NEGR1: variants seen among roughly 807,000 people sequenced by gnomAD.
The protein encoded by NEGR1 is IgLON family member 4.
Under a neutral mutation model 40.9 loss-of-function variants are expected in NEGR1, and 10 were observed. That is an observed-to-expected ratio of 0.24 (90% CI 0.15 to 0.42). NEGR1 has a LOEUF of 0.42. NEGR1 is among the 10% of genes least tolerant of loss of function. The pLI is 1.00. For synonymous variants in NEGR1, 185 were observed against 166.8 expected (o/e 1.11, Z -0.84); for missense variants, 352 against 438.9 (o/e 0.80, Z 1.77).
intron 1 of NEGR1, among the ~76,000 whole-genome samples, chr1:72,017,224 TGTCA>T (rs1379249741): frequency 6.6e-5 from 10 of 151,996 alleles, no homozygotes; most frequent in Admixed American, 5.9e-4. Context: ...AGGCAGACTG[TGTCA>T]GTTGACAAAA....
At chr1:72,237,638 C>T (rs1654599861) in intron 1 of NEGR1, among the ~76,000 whole-genome samples, 1 of 151,898 alleles carries the variant, frequency 6.6e-6, no homozygotes, top group Admixed American at 6.6e-5. Context: ...TGCACATATT[C>T]CAGAGCATTA....
chr1:71,897,707 A>G (rs1661011261), intron 2 of NEGR1, among the ~76,000 whole-genome samples: 1 of 152,190 alleles, frequency 6.6e-6, no homozygotes, highest in African/African-American at 2.4e-5. Flanking sequence ...ATAAAGGCAT[A>G]AAAAGTACAT....
At chr1:71,446,124 T>C (rs982821331) in intron 6 of NEGR1, among the ~76,000 whole-genome samples, 3 of 152,230 alleles carry the variant, frequency 2.0e-5, no homozygotes, top group African/African-American at 7.2e-5. Flanking sequence ...GAGGACTTAA[T>C]GTGGCCTTTA....
intron 6 of NEGR1, among the ~76,000 whole-genome samples, chr1:71,522,787 A>G (rs1194223232): frequency 6.6e-6 from 1 of 151,344 alleles, no homozygotes; most frequent in African/African-American, 2.4e-5. Flanking sequence ...CAAGCCTAAC[A>G]GTAAAGGTAC....
chr1:71,885,479 A>G (rs1029586693), intron 2 of NEGR1, among the ~76,000 whole-genome samples: 4 of 152,162 alleles, frequency 2.6e-5, no homozygotes, highest in Non-Finnish European at 5.9e-5. Context: ...AGTTTTTATT[A>G]TAAGGAAAAT....
At chr1:72,274,237 C>T (rs941189438) in intron 1 of NEGR1, among the ~76,000 whole-genome samples, 1 of 152,136 alleles carries the variant, frequency 6.6e-6, no homozygotes. Context: ...CAGGCTTTCT[C>T]CAAATGACTC....
intron 5 of NEGR1, among the ~76,000 whole-genome samples, chr1:71,599,446 A>T (rs1468086732): frequency 6.6e-6 from 1 of 152,238 alleles, no homozygotes; most frequent in Non-Finnish European, 1.5e-5. Flanking sequence ...AAGAAAAGTG[A>T]AAGGGAGGAG....
intron 1 of NEGR1, among the ~76,000 whole-genome samples, chr1:72,052,546 C>A (rs1381099338): frequency 6.6e-6 from 1 of 151,374 alleles, no homozygotes; most frequent in African/African-American, 2.4e-5. Flanking sequence ...AGGACAACTT[C>A]AATTGATGTC....
chr1:71,435,300 T>C (rs1646501637), intron 6 of NEGR1, among the ~76,000 whole-genome samples: 2 of 152,086 alleles, frequency 1.3e-5, no homozygotes, highest in Admixed American at 6.6e-5. Flanking sequence ...TACGTGACAA[T>C]TGGCAAAAGG....
intron 1 of NEGR1, among the ~76,000 whole-genome samples, chr1:72,249,162 A>G (rs1655003499): frequency 6.6e-6 from 1 of 150,820 alleles, no homozygotes; most frequent in Non-Finnish European, 1.5e-5. Context: ...AAAAAGGCCC[A>G]TGAGAAACCC....
intron 4 of NEGR1, among the ~76,000 whole-genome samples, chr1:71,625,269 T>C (rs1413659163): frequency 6.6e-6 from 1 of 151,748 alleles, no homozygotes; most frequent in Non-Finnish European, 1.5e-5. Context: ...TATATTTTTC[T>C]TTATACTTAC....
At chr1:71,855,829 G>GA (rs1213474602) in intron 2 of NEGR1, among the ~76,000 whole-genome samples, 5 of 151,934 alleles carry the variant, frequency 3.3e-5, no homozygotes, top group Non-Finnish European at 4.4e-5. Context: ...GTTGAATTTA[G>GA]AAAAAATATA....
rs148241049 is a variant in NEGR1, at chr1:71,640,829, C to T, written c.668-29683G>A. Among the ~76,000 whole-genome samples, 1,469 of 151,966 alleles carry T rather than the reference C, an allele frequency of 9.7e-3. 28 individuals carry two copies. The highest frequency in any genetic ancestry group is 0.033 in the African/African-American group (1,362 of 41,476). On this transcript the variant is annotated intron_variant, in intron 4 of 6. Coordinates refer to ENST00000357731, the MANE Select transcript of NEGR1 (RefSeq NM_173808.3). ...ATTGAAATGAATGGCTGAAAACAGACATTATTCTTATTTCTTTTTGTATTC... is the reference window on the plus strand; with the variant it reads ...ATTGAAATGAATGGCTGAAAACAGATATTATTCTTATTTCTTTTTGTATTC...
chr1:71,933,742 C>A (rs1645876719), intron 2 of NEGR1, among the ~76,000 whole-genome samples: 1 of 151,896 alleles, frequency 6.6e-6, no homozygotes, highest in African/African-American at 2.4e-5. Context: ...ATCATCACAG[C>A]CTACAATAAT....
chr1:71,430,657 TA>T (rs1026396032), intron 6 of NEGR1, among the ~76,000 whole-genome samples: 1 of 142,276 alleles, frequency 7.0e-6, no homozygotes, highest in Admixed American at 7.2e-5. Flanking sequence ...AGCTTTTTTT[TA>T]AAAAAAAAAA....
intron 1 of NEGR1, among the ~76,000 whole-genome samples, chr1:72,112,033 G>C (rs904673013): frequency 6.9e-6 from 1 of 145,120 alleles, no homozygotes; most frequent in African/African-American, 2.4e-5. Flanking sequence ...ACAAAAAATG[G>C]GACAGAATTG....
At chr1:72,213,909 C>CA (rs1180208551) in intron 1 of NEGR1, among the ~76,000 whole-genome samples, 16 of 151,738 alleles carry the variant, frequency 1.1e-4, no homozygotes, top group African/African-American at 3.1e-4. Context: ...AGAGACACAA[C>CA]AAAAAAAGAA....
At chr1:71,855,878 G>A (rs755289238) in intron 2 of NEGR1, among the ~76,000 whole-genome samples, 1 of 151,994 alleles carries the variant, frequency 6.6e-6, no homozygotes. Context: ...AGAAATTTCA[G>A]ACTTAAATAT....
At chr1:71,528,709 T>C (rs375670700) in intron 6 of NEGR1, among the ~76,000 whole-genome samples, 191 of 151,362 alleles carry the variant, frequency 1.3e-3, no homozygotes, top group African/African-American at 4.5e-3. Context: ...GTTCTGTTGT[T>C]GAAAATGAGG....
Sources: gnomAD v4.1 joint callset for allele counts (sites outside exome capture counted in the v4.1 genomes callset) on GRCh38, gnomAD v4.1.1 for gene constraint, MANE v1.5 for transcripts, NCBI Gene and HGNC (gene_info 2026-07-23, HGNC 2026-07-21) for gene names.